NAT8L: variants seen among roughly 807,000 people sequenced by gnomAD.
The protein encoded by NAT8L is N-acetylaspartate synthetase.
NAT8L carries 6 observed loss-of-function variants against 21.2 expected under a neutral mutation model. The observed-to-expected ratio is 0.28, with a 90% CI of 0.16 to 0.56. The LOEUF is 0.56. Ranked by LOEUF, NAT8L falls within the 20% of genes least tolerant of loss-of-function variation. NAT8L has a pLI of 0.93. For missense variants in NAT8L, 331 were observed against 433.3 expected (o/e 0.76, Z 2.10); for synonymous variants, 239 against 204.9 (o/e 1.17, Z -1.42).
Position 2,060,596 on chromosome 4 carries a change from G to A in NAT8L, c.377-402G>A, listed in dbSNP as rs1336262593. On this transcript the variant is annotated intron_variant, in intron 1 of 2. Coordinates refer to ENST00000423729, the MANE Select transcript of NAT8L (RefSeq NM_178557.4). This position sits in a 1 kb window ranked among gnomAD's most constrained non-coding sequence, Gnocchi z 4.7. ...CTGGGAAGAGGGGGTCCTGGAGCCCGAGGCTGGAACGTGGGACACCCCCCT... is the reference window on the plus strand; with the variant it reads ...CTGGGAAGAGGGGGTCCTGGAGCCCAAGGCTGGAACGTGGGACACCCCCCT... Among the ~76,000 whole-genome samples, 2 of 152,226 alleles carry A rather than the reference G, an allele frequency of 1.3e-5. No homozygotes were observed. Among genetic ancestry groups the A allele is most frequent in the South Asian group, 4.1e-4 (2 of 4,826 alleles).
At position 2,059,655 on chromosome 4, in the gene NAT8L, G is replaced by A; in HGVS notation, c.144G>A (p.Pro48=). 1.0e-6 allele frequency: 1 copy of A among 964,926 alleles called. No homozygotes were observed. The highest frequency in any genetic ancestry group is 1.2e-6 in the Non-Finnish European group (1 of 815,116). The allele number at this position is 964,926 out of a possible 1,614,324, so 59.8% of individuals were successfully genotyped here. A position where few individuals can be genotyped will look rare whatever the true frequency, so the allele number is the denominator to read the frequency against. Residue 48 remains proline (P), a synonymous_variant, in exon 1 of 3, where the codon CCG becomes CCA. Coordinates refer to ENST00000423729, the MANE Select transcript of NAT8L (RefSeq NM_178557.4). This position sits in a 1 kb window ranked among gnomAD's most constrained non-coding sequence, Gnocchi z 4.8. ...CCCCGCTGCCCGCCGCGCCCGGGCC[G>A]GCCGCCGCGCCCCCCGCGCCCCCAC... ...MWPPLPAAPG[P]AAAPPAPPPA... is the part of the protein sequence containing the mutation.
chr4:2,063,197 G>T (rs183961262), intron 2 of NAT8L, among the ~76,000 whole-genome samples: 3 of 152,260 alleles, frequency 2.0e-5, no homozygotes, highest in African/African-American at 7.2e-5. Flanking sequence ...CCTTCTGGAC[G>T]CACTTTGCTG....
chr4:2,062,079 G>A (rs1009972311), intron 2 of NAT8L, among the ~76,000 whole-genome samples: 19 of 152,202 alleles, frequency 1.2e-4, no homozygotes, highest in African/African-American at 4.6e-4. Flanking sequence ...GGGCCATGAG[G>A]AAGCACAGGC....
chr4:2,059,940 C>G lies in NAT8L; in HGVS notation c.376+53C>G. On this transcript the variant is annotated intron_variant, in intron 1 of 2. Coordinates refer to ENST00000423729, the MANE Select transcript of NAT8L (RefSeq NM_178557.4). The surrounding 1 kb of genome is among the most constrained non-coding windows in gnomAD (Gnocchi z 4.8). ...CAGTCCCTCGGGCCGGCGCGGAGCTCCCCCGCCCCGGCGTCCACGCGGACC... is the reference window on the plus strand; with the variant it reads ...CAGTCCCTCGGGCCGGCGCGGAGCTGCCCCGCCCCGGCGTCCACGCGGACC... 1 of 1,051,870 alleles carries G rather than the reference C, an allele frequency of 9.5e-7. No homozygotes were observed. Among genetic ancestry groups the G allele is most frequent in the Non-Finnish European group, 1.2e-6 (1 of 849,946 alleles). 65.2% of individuals were successfully genotyped at this position (1,051,870 alleles called of 1,614,324 possible).
chr4:2,061,961 C>G (rs960491468), intron 2 of NAT8L, among the ~76,000 whole-genome samples: 1 of 152,188 alleles, frequency 6.6e-6, no homozygotes, highest in Non-Finnish European at 1.5e-5. Context: ...GCTCCACCCC[C>G]GCGCCACGGC....
At position 2,066,393 on chromosome 4, in the gene NAT8L, C is replaced by T. The variant is rs1729999874; in HGVS notation, c.*2266C>T. The T allele has an allele frequency of 6.6e-6, 1 of 152,254 alleles. No homozygotes were observed. Among genetic ancestry groups the T allele is most frequent in the Non-Finnish European group, 1.5e-5 (1 of 68,066 alleles). 9.4% of individuals were successfully genotyped at this position (152,254 alleles called of 1,614,324 possible). Reference sequence around the variant, plus strand: ...GTGCGGGGTGGTTGTGTGCAGAACCCTGCCGCCCCTGAGGTGAGCAGAGGC... The same window carrying T: ...GTGCGGGGTGGTTGTGTGCAGAACCTTGCCGCCCCTGAGGTGAGCAGAGGC... On this transcript the variant is annotated 3_prime_UTR_variant, in exon 3 of 3. Coordinates refer to ENST00000423729, the MANE Select transcript of NAT8L (RefSeq NM_178557.4).
Position 2,063,869 on chromosome 4 carries a change from AC to A in NAT8L, c.652del (p.Arg218ValfsTer61). 6.2e-7 allele frequency: 1 copy of A among 1,612,452 alleles called. No individual in the cohort carries two copies. The highest frequency in any genetic ancestry group is 8.5e-7 in the Non-Finnish European group (1 of 1,179,938). ...VELLRMSVDSRFRGKGIAKAL... is the reference protein window; with the variant it reads ...VELLRMSVDSXFRGKGIAKAL... ...AGCTGCTGCGGATGTCTGTGGACTC[AC>A]GTTTCCGAGGCAAGGGCATCGCCAA... On this transcript the variant is annotated frameshift_variant, in exon 3 of 3. Coordinates refer to ENST00000423729, the MANE Select transcript of NAT8L (RefSeq NM_178557.4). LOFTEE classifies it high-confidence loss of function.
chr4:2,061,829 G>A (rs913066604), intron 2 of NAT8L, among the ~76,000 whole-genome samples: 2 of 152,150 alleles, frequency 1.3e-5, no homozygotes, highest in Non-Finnish European at 2.9e-5. Context: ...GGCTCTCTGC[G>A]ATCCTGGAGC....
intron 2 of NAT8L, 98 bp from the exon 3 acceptor site, chr4:2,063,662 T>C: frequency 6.3e-7 from 1 of 1,590,942 alleles, no homozygotes. Flanking sequence ...GGTGTCCAGC[T>C]GGAGGGGGCA....
chr4:2,064,117 G>T lies in NAT8L; in HGVS notation c.899G>T (p.Arg300Leu). 1 of 1,587,154 alleles carries T rather than the reference G, an allele frequency of 6.3e-7. No homozygotes were observed. Among genetic ancestry groups the T allele is most frequent in the South Asian group, 1.1e-5 (1 of 88,904 alleles). ...VRYHRYRLQLREE is the reference protein window; with the variant it reads ...VRYHRYRLQLLEE The stretch of plus-strand genomic sequence containing the variant: ...TACCACCGCTACCGCCTGCAGCTGC[G>T]CGAGGAGTGACCGCCGCCGCTCGCC... Residue 300 changes from arginine (R) to leucine (L), a missense_variant, in exon 3 of 3, where the codon CGC becomes CTC. By Grantham distance (102) the Arg-to-Leu change is moderately radical. Around this residue, in one of 2 missense-constraint regions of NAT8L, gnomAD observed 132 missense variants for 237.1 expected, o/e 0.56. Transcript: ENST00000423729.
intron 2 of NAT8L, 34 bp from the exon 3 acceptor site, chr4:2,063,726 C>T (rs764287785): frequency 6.2e-7 from 1 of 1,607,166 alleles, no homozygotes; most frequent in East Asian, 2.2e-5. Flanking sequence ...CAGCCTTCCT[C>T]ACCGGGTGTC....
rs911223793 is a variant in NAT8L at position 2,061,261 on chromosome 4, T to A, written c.541+99T>A. The A allele has an allele frequency of 3.2e-6, 5 of 1,546,750 alleles. No individual in the cohort carries two copies. The African/African-American group carries it at 6.9e-5, about 21-fold the overall frequency. On this transcript the variant is annotated intron_variant, in intron 2 of 2. Transcript: ENST00000423729. ...GGGCAGGCCTGGGCGAGGGCCGGCG[T>A]GGGTGGGCCTGAGCCGGGGCCCCTG...
chr4:2,062,020 A>G (rs532649333), intron 2 of NAT8L, among the ~76,000 whole-genome samples: 1 of 152,116 alleles, frequency 6.6e-6, no homozygotes, highest in East Asian at 1.9e-4. Context: ...CAAACAGAGC[A>G]TCTGAGCAGC....
At chr4:2,061,266 G>A (rs1168275560) in intron 2 of NAT8L, 104 bp downstream of exon 2, 7 of 1,539,338 alleles carry the variant, frequency 4.5e-6, no homozygotes, top group Non-Finnish European at 6.1e-6. Flanking sequence ...CGGCGTGGGT[G>A]GGCCTGAGCC....
At position 2,061,161 on chromosome 4, in the gene NAT8L, C is replaced by G. The variant is rs376253416; in HGVS notation, c.540C>G (p.Pro180=). Residue 180 remains proline, a splice_region_variant and synonymous_variant, in exon 2 of 3, where the codon CCC becomes CCG. Transcript: ENST00000423729. ...TCGAGCAGTACTACATGAAGCCGCC[C>G]GGTGAGTCCCGCTCCCGCCGCTCCC... ...ADIEQYYMKP[P]GSCFWVAVLD... is the part of the protein sequence containing the mutation. 1.2e-6 allele frequency: 2 copies of G among 1,609,248 alleles called. No homozygotes were observed. The highest frequency in any genetic ancestry group is 1.7e-6 in the Non-Finnish European group (2 of 1,178,280).
Position 2,064,150 on chromosome 4 carries a change from C to A in NAT8L, c.*23C>A, listed in dbSNP as rs765845546. 1.2e-5 allele frequency: 18 copies of A among 1,509,500 alleles called. No individual in the cohort carries two copies. The East Asian group carries it at 3.0e-4, about 25-fold the overall frequency. 93.5% of individuals were successfully genotyped at this position (1,509,500 alleles called of 1,614,324 possible). ...TGACCGCCGCCGCTCGCCCGCCCGC[C>A]CCCCCGGCCGCCCTGTCCGCCTTTG... On this transcript the variant is annotated 3_prime_UTR_variant, in exon 3 of 3. Transcript: ENST00000423729.
rs414210 is a variant in NAT8L, at chr4:2,066,610, A to C, written c.*2483A>C. ...AGCCTGGGATCTCACTGCTCTGCAC[A>C]TGTGCACTGACGTGAATTTTATACG... On this transcript the variant is annotated 3_prime_UTR_variant, in exon 3 of 3. Coordinates refer to ENST00000423729, the MANE Select transcript of NAT8L (RefSeq NM_178557.4). The C allele has an allele frequency of 0.72, 110,352 of 152,234 alleles. 44,284 individuals carry two copies. Among genetic ancestry groups the C allele is most frequent in the Non-Finnish European group, 0.89 (60,647 of 68,042 alleles). 9.4% of individuals were successfully genotyped at this position (152,234 alleles called of 1,614,324 possible). A position where few individuals can be genotyped will look rare whatever the true frequency, so the allele number is the denominator to read the frequency against.
rs1729832192 is a variant in NAT8L, at chr4:2,060,473, G to A, written c.377-525G>A. On this transcript the variant is annotated intron_variant, in intron 1 of 2. Coordinates refer to ENST00000423729, the MANE Select transcript of NAT8L (RefSeq NM_178557.4). The surrounding 1 kb of genome is among the most constrained non-coding windows in gnomAD (Gnocchi z 4.7). ...AGGACGCGACTCCCCCAAGGTCACGGCAGCCGAAATGCGGCTGGAAGCGGT... is the reference window on the plus strand; with the variant it reads ...AGGACGCGACTCCCCCAAGGTCACGACAGCCGAAATGCGGCTGGAAGCGGT... Among the ~76,000 whole-genome samples, 2 of 152,228 alleles carry A rather than the reference G, an allele frequency of 1.3e-5. No homozygotes were observed.
chr4:2,059,522 G>T lies in NAT8L; in HGVS notation c.11G>T (p.Gly4Val). The T allele has an allele frequency of 1.2e-5, 12 of 999,630 alleles. No individual in the cohort carries two copies. Among genetic ancestry groups the T allele is most frequent in the African/African-American group, 1.8e-5 (1 of 56,624 alleles). 61.9% of individuals were successfully genotyped at this position (999,630 alleles called of 1,614,324 possible). Residue 4 changes from glycine to valine, a missense_variant, in exon 1 of 3, where the codon GGG (glycine) becomes GTG (valine). Transcript: ENST00000423729. The surrounding 1 kb of genome is among the most constrained non-coding windows in gnomAD (Gnocchi z 4.8). MHC[G>V]PPDMVCETKI... ...CGCCCGGCCGGGTGCATGCATTGTG[G>T]GCCTCCCGACATGGTCTGCGAGACG...
Sources: allele counts gnomAD v4.1 joint callset (sites outside exome capture counted in the v4.1 genomes callset), GRCh38; gene constraint gnomAD v4.1.1; regional missense constraint gnomAD v4.1.1; non-coding constraint Gnocchi (gnomAD v3.1); transcripts MANE v1.5; gene names NCBI Gene and HGNC (gene_info 2026-07-23, HGNC 2026-07-21).